Variants in UBE4B observed in about 807,000 individuals in gnomAD.
UBE4B encodes ubiquitin conjugation factor E4 B.
In UBE4B, 27 loss-of-function variants were observed where a neutral mutation model predicts 148.1. The ratio of observed to expected loss-of-function variants is 0.18; its 90% CI spans 0.13 to 0.25. The LOEUF is 0.25. Among genes scored for constraint, UBE4B ranks in the 10% least tolerant of loss-of-function variants. The pLI is 1.00. For synonymous variants in UBE4B, 596 were observed against 619.3 expected, an observed-to-expected ratio of 0.96 and a Z score of 0.56; for missense variants, 1,170 against 1,662.4, an observed-to-expected ratio of 0.70 and a Z score of 5.15.
chr1:10,045,985 G>A (rs890863709), intron 1 of UBE4B, among the ~76,000 whole-genome samples: 5 of 152,218 alleles, frequency 3.3e-5, no homozygotes, highest in Admixed American at 6.5e-5. Context: ...GTAGGAGGCC[G>A]GGGCTGGTAT....
intron 1 of UBE4B, among the ~76,000 whole-genome samples, chr1:10,066,668 G>A (rs1387557139): frequency 2.6e-5 from 4 of 152,122 alleles, no homozygotes; most frequent in African/African-American, 9.7e-5. Flanking sequence ...CACTTTGGGA[G>A]GCTGAGGCAG....
intron 24 of UBE4B, among the ~76,000 whole-genome samples, chr1:10,169,574 A>G (rs1453314485): frequency 6.6e-6 from 1 of 152,212 alleles, no homozygotes; most frequent in Non-Finnish European, 1.5e-5. Context: ...AAAACAGCTC[A>G]CTGGCCAGAC....
chr1:10,098,806 G>A (rs1644966525), intron 3 of UBE4B, among the ~76,000 whole-genome samples: 1 of 152,168 alleles, frequency 6.6e-6, no homozygotes, highest in African/African-American at 2.4e-5. Context: ...CCTATTCAGT[G>A]GTGAGAAGTT....
At chr1:10,166,700 G>A (rs1646251328) in intron 23 of UBE4B, among the ~76,000 whole-genome samples, 1 of 152,002 alleles carries the variant, frequency 6.6e-6, no homozygotes, top group Non-Finnish European at 1.5e-5. Flanking sequence ...GAAGTGGATG[G>A]ATCACCTGAG....
chr1:10,128,669 C>G (rs78928169), intron 11 of UBE4B: 1 of 152,238 alleles, frequency 6.6e-6, no homozygotes, highest in African/African-American at 2.4e-5. Flanking sequence ...GCTGCCTGAA[C>G]CTCAAAGGCA....
At chr1:10,102,686 C>T (rs1054867998) in intron 4 of UBE4B, among the ~76,000 whole-genome samples, 1 of 152,054 alleles carries the variant, frequency 6.6e-6, no homozygotes, top group Non-Finnish European at 1.5e-5. Context: ...GCTGGGATTA[C>T]AGGTGTGAGC....
At chr1:10,123,040 G>A (rs1349514987) in intron 10 of UBE4B, among the ~76,000 whole-genome samples, 1 of 152,170 alleles carries the variant, frequency 6.6e-6, no homozygotes, top group African/African-American at 2.4e-5. Context: ...TTCACTAGCT[G>A]TTTATCTTAG....
intron 8 of UBE4B, among the ~76,000 whole-genome samples, chr1:10,118,868 C>A (rs1462532767): frequency 8.7e-5 from 2 of 23,088 alleles, no homozygotes; most frequent in Admixed American, 1.2e-3. Flanking sequence ...CCAGGCTGGT[C>A]TTTTTTTTTT....
chr1:10,167,234 G>A (rs1315050559), intron 23 of UBE4B, among the ~76,000 whole-genome samples: 1 of 151,970 alleles, frequency 6.6e-6, no homozygotes, highest in Non-Finnish European at 1.5e-5. Context: ...GACGTCAGGA[G>A]TTCGAGACCA....
At chr1:10,115,665 G>A (rs1378678349) in intron 7 of UBE4B, among the ~76,000 whole-genome samples, 2 of 152,104 alleles carry the variant, frequency 1.3e-5, no homozygotes, top group African/African-American at 4.8e-5. Flanking sequence ...TTAACGAGAG[G>A]GATACATTCT....
At position 10,156,801 on chromosome 1, in the gene UBE4B, T is replaced by G. The variant is rs79015239; in HGVS notation, c.2927-1555T>G. ...GGATCTTAGTATGATAGGTGTTAAT[T>G]ATCTTATTTTATTTTTAAATAGCTG... On this transcript the variant is annotated intron_variant, in intron 21 of 27. Coordinates refer to ENST00000343090, the MANE Select transcript of UBE4B (RefSeq NM_001105562.3). 9.0e-3 allele frequency among the ~76,000 whole-genome samples: 1,367 copies of G among 152,308 alleles called. 11 individuals carry two copies. The highest frequency in any genetic ancestry group is 0.021 in the African/African-American group (853 of 41,578).
At chr1:10,061,143 C>A (rs1290540733) in intron 1 of UBE4B, among the ~76,000 whole-genome samples, 1 of 152,120 alleles carries the variant, frequency 6.6e-6, no homozygotes, top group Non-Finnish European at 1.5e-5. Context: ...CTACGGCATA[C>A]TTACTTGTAG....
chr1:10,176,008 C>G (rs553980753), intron 25 of UBE4B, among the ~76,000 whole-genome samples: 5 of 152,296 alleles, frequency 3.3e-5, no homozygotes, highest in Admixed American at 3.3e-4. Context: ...GCCCCAGCCC[C>G]TGGCAACCAC....
At chr1:10,157,785 A>G (rs1301894312) in intron 21 of UBE4B, among the ~76,000 whole-genome samples, 2 of 151,782 alleles carry the variant, frequency 1.3e-5, no homozygotes, top group Non-Finnish European at 2.9e-5. Flanking sequence ...CAAAAATAAT[A>G]ATAATAATAA....
intron 17 of UBE4B, among the ~76,000 whole-genome samples, chr1:10,139,006 G>A (rs1004362409): frequency 6.6e-6 from 1 of 152,112 alleles, no homozygotes; most frequent in Non-Finnish European, 1.5e-5. Context: ...TTCTGTTTAG[G>A]ATTTTTGCAT....
At chr1:10,041,049 C>CT (rs1478814200) in intron 1 of UBE4B, among the ~76,000 whole-genome samples, 3 of 152,176 alleles carry the variant, frequency 2.0e-5, no homozygotes, top group African/African-American at 7.2e-5. Flanking sequence ...CCTGGGAGGA[C>CT]AGTGGGATGT....
intron 23 of UBE4B, among the ~76,000 whole-genome samples, chr1:10,166,537 C>T (rs1456359377): frequency 6.6e-6 from 1 of 152,148 alleles, no homozygotes; most frequent in East Asian, 1.9e-4. Flanking sequence ...CTTGTAATCC[C>T]AGCACTTTGG....
chr1:10,172,586 A>G (rs904355515), intron 25 of UBE4B, among the ~76,000 whole-genome samples: 3 of 152,182 alleles, frequency 2.0e-5, no homozygotes, highest in African/African-American at 4.8e-5. Context: ...TGTTCACACT[A>G]CTTATCCAAA....
intron 25 of UBE4B, among the ~76,000 whole-genome samples, chr1:10,171,834 T>C (rs1005816628): frequency 6.6e-6 from 1 of 152,124 alleles, no homozygotes; most frequent in Non-Finnish European, 1.5e-5. Flanking sequence ...TGAGCTGAGA[T>C]TGTGCCACTG....
Sources: gnomAD v4.1 joint callset for allele counts (sites outside exome capture counted in the v4.1 genomes callset) on GRCh38, gnomAD v4.1.1 for gene constraint, MANE v1.5 for transcripts, NCBI Gene and HGNC (gene_info 2026-07-23, HGNC 2026-07-21) for gene names.